Variants in NEK10 observed in about 807,000 individuals in gnomAD.
NEK10 encodes NIMA related kinase 10.
A neutral mutation model predicts 159.8 loss-of-function variants in NEK10; 122 were observed. The observed-to-expected ratio is 0.76, with a 90% confidence interval of 0.66 to 0.89. The LOEUF is 0.89. NEK10 is among the 40% of genes least tolerant of loss of function. NEK10 has a pLI of 0.00. For missense variants in NEK10, 1,342 were observed against 1,323.1 expected (o/e 1.01, Z -0.22); for synonymous variants, 466 against 457.1 (o/e 1.02, Z -0.25).
chr3:27,360,248 C>T (rs371384078), intron 1 of NEK10, among the ~76,000 whole-genome samples: 5 of 152,052 alleles, frequency 3.3e-5, no homozygotes, highest in Admixed American at 6.6e-5. Context: ...AGTATCAGGA[C>T]GTCTAACACC....
chr3:27,344,153 CCTT>C (rs2149783617), intron 5 of NEK10, 116 bp downstream of exon 5: 2 of 544,310 alleles, frequency 3.7e-6, no homozygotes, highest in African/African-American at 3.9e-5. Context: ...TCATTTGCCT[CCTT>C]CTTTCCTTTA....
chr3:27,170,311 C>A (rs1422997576), intron 29 of NEK10, among the ~76,000 whole-genome samples: 1 of 152,224 alleles, frequency 6.6e-6, no homozygotes, highest in Non-Finnish European at 1.5e-5. Flanking sequence ...TCAGAGCAGT[C>A]TGGCAGTCCT....
chr3:27,119,959 C>G, intron 32 of NEK10, 91 bp from the exon 33 acceptor site: 2 of 859,870 alleles, frequency 2.3e-6, no homozygotes, highest in South Asian at 2.9e-5. Flanking sequence ...TTCCCTATGT[C>G]TCTGCACAGA....
At chr3:27,352,438 CA>C in intron 3 of NEK10, 26 bp downstream of exon 3, 1 of 1,529,110 alleles carries the variant, frequency 6.5e-7, no homozygotes. Context: ...CTTTTATTAC[CA>C]AGTGAACATT....
intron 31 of NEK10, among the ~76,000 whole-genome samples, chr3:27,135,561 A>G (rs187040446): frequency 3.9e-5 from 6 of 152,320 alleles, no homozygotes; most frequent in Admixed American, 2.6e-4. Flanking sequence ...CTTTTAAAGA[A>G]CTTGCTATAT....
intron 23 of NEK10, chr3:27,206,707 G>GA: frequency 2.6e-6 from 2 of 781,926 alleles, no homozygotes; most frequent in Non-Finnish European, 3.1e-6. Context: ...AACCACTGAC[G>GA]AAAATAGGGT....
At chr3:27,135,168 C>T (rs1439413673) in intron 31 of NEK10, among the ~76,000 whole-genome samples, 1 of 152,102 alleles carries the variant, frequency 6.6e-6, no homozygotes, top group African/African-American at 2.4e-5. Flanking sequence ...CCTGTATTGC[C>T]AGCACTTTGG....
At position 27,214,862 on chromosome 3, in the gene NEK10, T is replaced by A. The variant is rs984190258; in HGVS notation, c.2091-12305A>T. The stretch of plus-strand genomic sequence containing the variant: ...CCTGGAAATCATGTGACAGTTGGAG[T>A]AAGCCATTCCTAATCCCATGCCAGA... On this transcript the variant is annotated intron_variant, in intron 23 of 35. Coordinates refer to ENST00000691995, the MANE Select transcript of NEK10 (RefSeq NM_001394966.1). 5 of 1,229,110 alleles carry A rather than the reference T, an allele frequency of 4.1e-6. No individual in the cohort carries two copies. The East Asian group carries it at 9.3e-5, about 23-fold the overall frequency. The allele number at this position is 1,229,110 out of a possible 1,614,324, so 76.1% of individuals were successfully genotyped here.
At chr3:27,353,239 A>C (rs1326347166) in intron 1 of NEK10, among the ~76,000 whole-genome samples, 2 of 152,310 alleles carry the variant, frequency 1.3e-5, no homozygotes, top group South Asian at 4.1e-4. Context: ...ATAGAAATAG[A>C]AAGTTGAAGA....
At chr3:27,263,173 T>C (rs2040566826) in intron 22 of NEK10, among the ~76,000 whole-genome samples, 1 of 152,210 alleles carries the variant, frequency 6.6e-6, no homozygotes. Flanking sequence ...ATTATTCCTC[T>C]GGAAGTTTTG....
chr3:27,352,067 G>A (rs1460827573), intron 3 of NEK10, among the ~76,000 whole-genome samples: 1 of 152,124 alleles, frequency 6.6e-6, no homozygotes, highest in Non-Finnish European at 1.5e-5. Flanking sequence ...TAGCAAGGGG[G>A]CAGGATTGGG....
chr3:27,291,208 G>T (rs1307335213), intron 18 of NEK10, 54 bp downstream of exon 18: 1 of 1,542,316 alleles, frequency 6.5e-7, no homozygotes, highest in Non-Finnish European at 8.8e-7. Flanking sequence ...GTGTGCAAGT[G>T]TGACATCCGG....
At chr3:27,152,931 T>C (rs920066593) in intron 30 of NEK10, among the ~76,000 whole-genome samples, 100 of 152,196 alleles carry the variant, frequency 6.6e-4, no homozygotes, top group Non-Finnish European at 1.6e-4. Flanking sequence ...CATTATAAAA[T>C]GGTAAAAGGC....
intron 6 of NEK10, among the ~76,000 whole-genome samples, chr3:27,321,533 C>CAAAA (rs1282228184): frequency 6.6e-6 from 1 of 152,144 alleles, no homozygotes; most frequent in Non-Finnish European, 1.5e-5. Flanking sequence ...ATTAGCCGGA[C>CAAAA]ATGGTGGCAC....
chr3:27,222,510 C>T (rs1431880403), intron 23 of NEK10, among the ~76,000 whole-genome samples: 1 of 152,068 alleles, frequency 6.6e-6, no homozygotes, highest in Admixed American at 6.5e-5. Flanking sequence ...TGAAAAACAT[C>T]GAAATAATTC....
At chr3:27,184,778 G>A (rs919156822) in intron 26 of NEK10, among the ~76,000 whole-genome samples, 3 of 152,200 alleles carry the variant, frequency 2.0e-5, no homozygotes, top group Middle Eastern at 3.4e-3. Flanking sequence ...GACAATAAAA[G>A]CAAAGATGTT....
chr3:27,330,441 A>G (rs184250833), intron 5 of NEK10, among the ~76,000 whole-genome samples: 20 of 152,346 alleles, frequency 1.3e-4, no homozygotes, highest in African/African-American at 4.6e-4. Context: ...AGCAGAATGT[A>G]GTTTTGTATG....
At chr3:27,269,887 G>T (rs1323679266) in intron 22 of NEK10, among the ~76,000 whole-genome samples, 1 of 152,182 alleles carries the variant, frequency 6.6e-6, no homozygotes, top group Non-Finnish European at 1.5e-5. Flanking sequence ...GACTGATATA[G>T]TTCCTCACTT....
At chr3:27,131,129 G>A (rs891444992) in intron 32 of NEK10, among the ~76,000 whole-genome samples, 1 of 152,162 alleles carries the variant, frequency 6.6e-6, no homozygotes, top group East Asian at 1.9e-4. Context: ...CTGGCAGCAT[G>A]ACTATGCTAC....
Sources: allele counts gnomAD v4.1 joint callset (sites outside exome capture counted in the v4.1 genomes callset), GRCh38; gene constraint gnomAD v4.1.1; transcripts MANE v1.5; gene names NCBI Gene and HGNC (gene_info 2026-07-23, HGNC 2026-07-21).